MMP16: variants seen among roughly 807,000 people sequenced by gnomAD.
MMP16 encodes the protein matrix metallopeptidase 16.
Under a neutral mutation model 67.8 loss-of-function variants are expected in MMP16, and 12 were observed. The ratio of observed to expected loss-of-function variants is 0.18; its 90% CI spans 0.11 to 0.29. The LOEUF (loss-of-function observed/expected upper bound fraction) is 0.29. Ranked by LOEUF, MMP16 falls within the 10% of genes least tolerant of loss-of-function variation. MMP16 has a pLI of 1.00. For synonymous variants in MMP16, 249 were observed against 255.9 expected (o/e 0.97, Z 0.26); for missense variants, 475 against 765.7 (o/e 0.62, Z 4.48).
At chr8:88,044,307 C>T (rs1476231836) in intron 9 of MMP16, among the ~76,000 whole-genome samples, 1 of 152,024 alleles carries the variant, frequency 6.6e-6, no homozygotes, top group Non-Finnish European at 1.5e-5. Context: ...GAGATGAGAC[C>T]CTGTCTCAGA....
chr8:88,103,445 GA>G (rs1219769896), intron 6 of MMP16, among the ~76,000 whole-genome samples: 3 of 151,774 alleles, frequency 2.0e-5, no homozygotes, highest in Non-Finnish European at 4.4e-5. Context: ...ATGAATAAAA[GA>G]TTACAGTAGT....
intron 1 of MMP16, among the ~76,000 whole-genome samples, chr8:88,238,338 C>G (rs1445264705): frequency 6.6e-6 from 1 of 152,048 alleles, no homozygotes; most frequent in Non-Finnish European, 1.5e-5. Flanking sequence ...CATGGTGAAA[C>G]CCCATTTCTA....
chr8:88,279,923 A>G (rs116390034), intron 1 of MMP16, among the ~76,000 whole-genome samples: 1 of 151,698 alleles, frequency 6.6e-6, no homozygotes, highest in African/African-American at 2.4e-5. Flanking sequence ...TAAAAAAGAG[A>G]AAGAAAGACA....
At chr8:88,306,780 T>C (rs1811217654) in intron 1 of MMP16, among the ~76,000 whole-genome samples, 1 of 151,870 alleles carries the variant, frequency 6.6e-6, no homozygotes, top group African/African-American at 2.4e-5. Flanking sequence ...AAATACACTG[T>C]AAAATAATAA....
Position 88,181,365 on chromosome 8 carries a change from T to G in MMP16, c.404+5111A>C, listed in dbSNP as rs185844707. Among the ~76,000 whole-genome samples, 61 of 151,954 alleles carry G rather than the reference T, an allele frequency of 4.0e-4. No individual in the cohort carries two copies. The Middle Eastern group carries it at 0.01, about 25-fold the overall frequency. ...AGGATACAAGGTTAATATATAAAAG[T>G]CAATTGCTTTTCTATCTGCTAACAA... On this transcript the variant is annotated intron_variant, in intron 3 of 9. Coordinates refer to ENST00000286614, the MANE Select transcript of MMP16 (RefSeq NM_005941.5).
intron 4 of MMP16, among the ~76,000 whole-genome samples, chr8:88,149,363 C>T (rs1049377657): frequency 2.0e-5 from 3 of 152,184 alleles, no homozygotes; most frequent in Non-Finnish European, 4.4e-5. Flanking sequence ...CCCACCACAG[C>T]TCAAGGAGGC....
intron 7 of MMP16, among the ~76,000 whole-genome samples, chr8:88,071,144 A>C (rs1226843625): frequency 1.3e-5 from 2 of 152,076 alleles, no homozygotes; most frequent in East Asian, 3.9e-4. Context: ...AATTACACCA[A>C]AATATAAATT....
In MMP16 at chr8:88,090,632, C is replaced by A. The variant is rs557494269; in HGVS notation, c.1084-15889G>T. Reference sequence around the variant, plus strand: ...TGACTAAAAATTGTCAATTCTTTGACAATTTTTAAAATTTTAATTAAAAAA... The same window carrying A: ...TGACTAAAAATTGTCAATTCTTTGAAAATTTTTAAAATTTTAATTAAAAAA... On this transcript the variant is annotated intron_variant, in intron 6 of 9. Coordinates refer to ENST00000286614, the MANE Select transcript of MMP16 (RefSeq NM_005941.5). 3.8e-3 allele frequency among the ~76,000 whole-genome samples: 569 copies of A among 150,518 alleles called. 5 individuals are homozygous for A. The highest frequency in any genetic ancestry group is 0.022 in the South Asian group (105 of 4,768).
intron 4 of MMP16, among the ~76,000 whole-genome samples, chr8:88,145,485 G>A (rs1263179637): frequency 3.3e-5 from 5 of 151,528 alleles, no homozygotes; most frequent in East Asian, 1.9e-4. Flanking sequence ...AGATAATATC[G>A]AAAAAAGGCC....
intron 1 of MMP16, among the ~76,000 whole-genome samples, chr8:88,245,323 G>T (rs1031974498): frequency 1.3e-5 from 2 of 152,032 alleles, no homozygotes; most frequent in African/African-American, 2.4e-5. Context: ...ATTCTGAAAG[G>T]TATAAGTATA....
intron 6 of MMP16, among the ~76,000 whole-genome samples, chr8:88,107,968 T>C (rs553514288): frequency 3.6e-4 from 54 of 151,232 alleles, no homozygotes; most frequent in African/African-American, 1.1e-3. Flanking sequence ...GTAAAGCATA[T>C]AGAAAAATCA....
intron 3 of MMP16, among the ~76,000 whole-genome samples, chr8:88,176,591 G>A (rs543726403): frequency 2.0e-5 from 3 of 152,286 alleles, no homozygotes; most frequent in South Asian, 2.1e-4. Context: ...TTTTTGTATG[G>A]TAAGGGGTAG....
intron 1 of MMP16, among the ~76,000 whole-genome samples, chr8:88,299,020 T>G (rs1811058059): frequency 6.6e-6 from 1 of 152,102 alleles, no homozygotes; most frequent in Non-Finnish European, 1.5e-5. Context: ...CTTTTTGGAA[T>G]TCATCTTTTA....
chr8:88,283,561 C>T (rs1563583521), intron 1 of MMP16, among the ~76,000 whole-genome samples: 1 of 152,116 alleles, frequency 6.6e-6, no homozygotes. Context: ...CACCCCCAGG[C>T]ACCTCCCCAC....
At chr8:88,065,829 A>G (rs1808456928) in intron 7 of MMP16, among the ~76,000 whole-genome samples, 1 of 152,162 alleles carries the variant, frequency 6.6e-6, no homozygotes, top group Non-Finnish European at 1.5e-5. Context: ...TTGAAATAAA[A>G]TAACAATTAA....
At chr8:88,257,934 C>T (rs28904590) in intron 1 of MMP16, among the ~76,000 whole-genome samples, 49 of 152,190 alleles carry the variant, frequency 3.2e-4, no homozygotes, top group Non-Finnish European at 1.3e-4. Flanking sequence ...ATAAAAAATG[C>T]TTTCTAGGAA....
At chr8:88,196,774 C>A (rs188062494) in intron 2 of MMP16, among the ~76,000 whole-genome samples, 23 of 151,528 alleles carry the variant, frequency 1.5e-4, no homozygotes, top group Non-Finnish European at 3.0e-5. Flanking sequence ...TGGCCAATTT[C>A]AAGCTCCTAA....
At chr8:88,158,150 A>G (rs1377215925) in intron 4 of MMP16, among the ~76,000 whole-genome samples, 4 of 152,122 alleles carry the variant, frequency 2.6e-5, no homozygotes, top group African/African-American at 9.7e-5. Flanking sequence ...ATGTGTCTTT[A>G]TAGCAGCATG....
chr8:88,265,815 C>T (rs1810468305), intron 1 of MMP16, among the ~76,000 whole-genome samples: 1 of 152,062 alleles, frequency 6.6e-6, no homozygotes, highest in South Asian at 2.1e-4. Context: ...TTTTGTGTAA[C>T]CTTGCAAACA....
Sources: allele counts gnomAD v4.1 joint callset (sites outside exome capture counted in the v4.1 genomes callset), GRCh38; gene constraint gnomAD v4.1.1; transcripts MANE v1.5; gene names NCBI Gene and HGNC (gene_info 2026-07-23, HGNC 2026-07-21).